ABCC4: variants seen among roughly 807,000 people sequenced by gnomAD.
ABCC4 encodes the protein ATP-binding cassette sub-family C member 4.
ABCC4 carries 102 observed loss-of-function variants against 168.5 expected under a neutral mutation model. The ratio of observed to expected loss-of-function variants is 0.61; its 90% CI spans 0.52 to 0.71. ABCC4 has a LOEUF of 0.71. Among genes scored for constraint, ABCC4 ranks in the 30% least tolerant of loss-of-function variants. The probability of loss-of-function intolerance (pLI) is 0.00; values close to 1 mark genes in which losing one functional copy is unlikely to be tolerated. For missense variants in ABCC4, 1,402 were observed against 1,605.8 expected (o/e 0.87, Z 2.17); for synonymous variants, 617 against 590.7 (o/e 1.04, Z -0.65).
intron 1 of ABCC4, among the ~76,000 whole-genome samples, chr13:95,262,630 A>G (rs1013796326): frequency 7.2e-6 from 1 of 138,112 alleles, no homozygotes; most frequent in African/African-American, 2.9e-5. Context: ...TGACACTTAG[A>G]CTTTTTTTTT....
chr13:95,100,710 TTTG>T (rs150066376), intron 20 of ABCC4, among the ~76,000 whole-genome samples: 2,865 of 152,264 alleles, frequency 0.019, 68 homozygotes, highest in African/African-American at 0.063. Context: ...CTAAAACTCT[TTTG>T]TTGACTTTGA....
chr13:95,063,564 C>T (rs1391110542), intron 25 of ABCC4, among the ~76,000 whole-genome samples: 1 of 152,128 alleles, frequency 6.6e-6, no homozygotes, highest in Non-Finnish European at 1.5e-5. Context: ...AACAACAACG[C>T]AAGTAACATT....
intron 4 of ABCC4, among the ~76,000 whole-genome samples, chr13:95,225,146 C>G (rs2039421267): frequency 1.6e-5 from 1 of 64,220 alleles, no homozygotes; most frequent in South Asian, 6.6e-4. Flanking sequence ...GTCTGTCTCT[C>G]TCTCTCTCAC....
chr13:95,166,415 A>G (rs2037274028), intron 14 of ABCC4, 48 bp from the exon 15 acceptor site: 1 of 1,466,240 alleles, frequency 6.8e-7, no homozygotes, highest in African/African-American at 1.4e-5. Flanking sequence ...GCAGGTGATA[A>G]TGTTAACCTA....
chr13:95,186,828 C>T lies in ABCC4; in HGVS notation c.1418G>A (p.Gly473Glu). 2 of 1,614,134 alleles carry T rather than the reference C, an allele frequency of 1.2e-6. No individual in the cohort carries two copies. Among genetic ancestry groups the T allele is most frequent in the South Asian group, 1.1e-5 (1 of 91,076 alleles). ...APSHGLVSVH[G>E]RIAYVSQQPW... ...CTGCTGAGACACATAGGCAATTCTTCCATGCACGCTGACCAGCCCGTGACT... is the reference window on the plus strand; with the variant it reads ...CTGCTGAGACACATAGGCAATTCTTTCATGCACGCTGACCAGCCCGTGACT... Residue 473 changes from glycine (G) to glutamate (E), a missense_variant, in exon 11 of 31, where the codon GGA becomes GAA. This residue lies in a region of ABCC4 where 1,007 missense variants were observed against 1,127.3 expected (regional missense o/e 0.89). Transcript: ENST00000645237.
chr13:95,079,411 T>C (rs1342057510), intron 21 of ABCC4, among the ~76,000 whole-genome samples: 2 of 152,240 alleles, frequency 1.3e-5, no homozygotes, highest in Non-Finnish European at 2.9e-5. Context: ...TCAGGGTTAT[T>C]ACGGTTTTAA....
chr13:95,163,001 G>A lies in ABCC4; in HGVS notation c.2308+121C>T, dbSNP rs9590191. On this transcript the variant is annotated intron_variant, in intron 18 of 30. Coordinates refer to ENST00000645237, the MANE Select transcript of ABCC4 (RefSeq NM_005845.5). ...TCTAATTAATTCACAGAGTAAATTC[G>A]ACTGAGACTCCTGATCTGTTAAGAC... 2.5e-3 allele frequency: 1,726 copies of A among 695,960 alleles called. 20 individuals carry two copies. In the African/African-American group the frequency reaches 0.027, roughly 11 times the overall value. 43.1% of individuals were successfully genotyped at this position (695,960 alleles called of 1,614,324 possible).
chr13:95,087,585 A>G (rs1369239683), intron 20 of ABCC4, among the ~76,000 whole-genome samples: 2 of 152,264 alleles, frequency 1.3e-5, no homozygotes, highest in Non-Finnish European at 2.9e-5. Context: ...AAAATTATGA[A>G]CAGGGTATAC....
chr13:95,289,244 A>G (rs1320364667), intron 1 of ABCC4, among the ~76,000 whole-genome samples: 1 of 152,254 alleles, frequency 6.6e-6, no homozygotes, highest in Non-Finnish European at 1.5e-5. Context: ...AGTGATTAGA[A>G]GAGCAATTTT....
rs191473431 is a variant in ABCC4, at chr13:95,260,955, A to G, written c.75-13202T>C. ...ATTCTCACCTCCCCTGCTTGGTCGTAACTCTGTGACTCTACCACAAAAATA... is the reference window on the plus strand; with the variant it reads ...ATTCTCACCTCCCCTGCTTGGTCGTGACTCTGTGACTCTACCACAAAAATA... On this transcript the variant is annotated intron_variant, in intron 1 of 30. Transcript: ENST00000645237. 2.0e-3 allele frequency among the ~76,000 whole-genome samples: 311 copies of G among 151,718 alleles called. 3 individuals are homozygous for G. The highest frequency in any genetic ancestry group is 0.02 in the Middle Eastern group (6 of 294).
intron 21 of ABCC4, among the ~76,000 whole-genome samples, chr13:95,076,103 C>T (rs2033893221): frequency 6.6e-6 from 1 of 152,182 alleles, no homozygotes; most frequent in African/African-American, 2.4e-5. Flanking sequence ...GACAGACTGT[C>T]ACTTCCCTGC....
At chr13:95,258,698 C>T (rs1594394912) in intron 1 of ABCC4, among the ~76,000 whole-genome samples, 1 of 152,084 alleles carries the variant, frequency 6.6e-6, no homozygotes, top group Non-Finnish European at 1.5e-5. Flanking sequence ...GACTCTCCAC[C>T]CAGGCTGAAG....
intron 26 of ABCC4, among the ~76,000 whole-genome samples, chr13:95,055,097 T>C (rs2033005796): frequency 6.6e-6 from 1 of 152,172 alleles, no homozygotes; most frequent in Admixed American, 6.5e-5. Context: ...CAAATGGAAC[T>C]GAAAAATTCC....
chr13:95,089,788 C>A (rs1034721808), intron 20 of ABCC4, among the ~76,000 whole-genome samples: 4 of 151,606 alleles, frequency 2.6e-5, no homozygotes, highest in African/African-American at 9.7e-5. Flanking sequence ...CAAGAAAACA[C>A]CAGGGCTTGA....
At chr13:95,281,208 G>C (rs1405461903) in intron 1 of ABCC4, among the ~76,000 whole-genome samples, 1 of 150,818 alleles carries the variant, frequency 6.6e-6, no homozygotes, top group African/African-American at 2.4e-5. Context: ...TACTTGGGAG[G>C]CTGAGGCAGG....
In ABCC4 at chr13:95,159,093, TTATATATATATATA is replaced by T. The variant is rs554884258; in HGVS notation, c.2455+2082_2455+2095del. Among the ~76,000 whole-genome samples the T allele has an allele frequency of 8.2e-3, 501 of 61,028 alleles. 11 individuals are homozygous for T. Among genetic ancestry groups the T allele is most frequent in the Non-Finnish European group, 0.012 (338 of 28,520 alleles). The allele number at this position is 61,028 out of a possible 152,430, so 40.0% of individuals were successfully genotyped here. A position where few individuals can be genotyped will look rare whatever the true frequency, so the allele number is the denominator to read the frequency against. Reference sequence around the variant, plus strand: ...ATGAGACCTTATTTCTAAATAAATTTTATATATATATATATATATATATATATATATATATATAT... The same window carrying T: ...ATGAGACCTTATTTCTAAATAAATTTTATATATATATATATATATATATAT... On this transcript the variant is annotated intron_variant, in intron 19 of 30. Coordinates refer to ENST00000645237, the MANE Select transcript of ABCC4 (RefSeq NM_005845.5).
chr13:95,150,551 T>C (rs944610785), intron 19 of ABCC4, among the ~76,000 whole-genome samples: 2 of 152,112 alleles, frequency 1.3e-5, no homozygotes, highest in African/African-American at 2.4e-5. Flanking sequence ...GAGTCTTTAT[T>C]TGAGATATGA....
intron 19 of ABCC4, among the ~76,000 whole-genome samples, chr13:95,143,803 A>G (rs908663373): frequency 6.6e-6 from 1 of 152,234 alleles, no homozygotes; most frequent in Non-Finnish European, 1.5e-5. Context: ...TAGAAAACGT[A>G]TGCCCATGAT....
rs550650150 is a variant in ABCC4, at chr13:95,161,883, A to G, written c.2309-548T>C. 7 of 152,346 alleles carry G rather than the reference A, an allele frequency of 4.6e-5. No homozygotes were observed. In the South Asian group the frequency reaches 1.2e-3, roughly 27 times the overall value. 9.4% of individuals were successfully genotyped at this position (152,346 alleles called of 1,614,324 possible). ...AAGAAAACACAAATTATATTTTAAC[A>G]TAAGATAATTAATCTAAATAAGCAA... On this transcript the variant is annotated intron_variant, in intron 18 of 30. Transcript: ENST00000645237.
Sources: gnomAD v4.1 joint callset for allele counts (sites outside exome capture counted in the v4.1 genomes callset) on GRCh38, gnomAD v4.1.1 for gene constraint, gnomAD v4.1.1 regional missense constraint, MANE v1.5 for transcripts, NCBI Gene and HGNC (gene_info 2026-07-23, HGNC 2026-07-21) for gene names.